The following KCNH1 variants were observed in gnomAD, a reference collection of about 807,000 sequenced individuals.
KCNH1 encodes potassium voltage-gated channel subfamily H member 1.
A neutral mutation model predicts 69.2 loss-of-function variants in KCNH1; 27 were observed. The observed-to-expected ratio is 0.39, with a 90% CI of 0.29 to 0.54. KCNH1 has a LOEUF of 0.54. Ranked by LOEUF, KCNH1 falls within the 20% of genes least tolerant of loss-of-function variation. The pLI, the probability that KCNH1 is intolerant of heterozygous loss-of-function variation, is 0.68. For missense variants in KCNH1, 798 were observed against 1,261.6 expected (o/e 0.63, Z 5.57); for synonymous variants, 456 against 487.7 (o/e 0.93, Z 0.86).
intron 5 of KCNH1, among the ~76,000 whole-genome samples, chr1:211,025,534 A>G (rs1188675089): frequency 6.6e-6 from 1 of 152,112 alleles, no homozygotes; most frequent in Non-Finnish European, 1.5e-5. Flanking sequence ...GCCTTTAAGA[A>G]TTGTTGGGAA....
intron 7 of KCNH1, among the ~76,000 whole-genome samples, chr1:210,874,080 T>C (rs190727289): frequency 2.0e-5 from 3 of 152,234 alleles, no homozygotes; most frequent in African/African-American, 7.2e-5. Context: ...GGTTGGAGAA[T>C]ATAAGCTTCT....
intron 3 of KCNH1, among the ~76,000 whole-genome samples, chr1:211,100,603 G>A (rs1382729913): frequency 6.6e-6 from 1 of 152,108 alleles, no homozygotes; most frequent in Non-Finnish European, 1.5e-5. Context: ...CACCCACCTC[G>A]GCCTCCCAAA....
intron 10 of KCNH1, among the ~76,000 whole-genome samples, chr1:210,695,105 A>G (rs1486140584): frequency 6.6e-6 from 1 of 152,158 alleles, no homozygotes; most frequent in Non-Finnish European, 1.5e-5. Flanking sequence ...GCTGACACTG[A>G]TTTATGGAGT....
intron 2 of KCNH1, among the ~76,000 whole-genome samples, chr1:211,106,349 C>T (rs1166447165): frequency 2.0e-5 from 3 of 152,224 alleles, no homozygotes; most frequent in Non-Finnish European, 4.4e-5. Flanking sequence ...GGCCCAAGGA[C>T]ACTGCTTGGT....
At chr1:210,934,445 G>C (rs1182982448) in intron 6 of KCNH1, among the ~76,000 whole-genome samples, 3 of 152,190 alleles carry the variant, frequency 2.0e-5, no homozygotes, top group Non-Finnish European at 2.9e-5. Flanking sequence ...ATGAGGTCAG[G>C]AGTTCCAGAC....
chr1:211,096,893 A>G (rs903744595), intron 3 of KCNH1, among the ~76,000 whole-genome samples: 5 of 152,254 alleles, frequency 3.3e-5, no homozygotes, highest in Non-Finnish European at 2.9e-5. Flanking sequence ...CAGGCCTCAA[A>G]AGAAAAACAA....
At chr1:211,092,481 T>G (rs1691070310) in intron 3 of KCNH1, among the ~76,000 whole-genome samples, 1 of 152,218 alleles carries the variant, frequency 6.6e-6, no homozygotes, top group African/African-American at 2.4e-5. Flanking sequence ...TTAACCTTCT[T>G]TCCATTCTCT....
chr1:210,958,515 G>A (rs962793815), intron 6 of KCNH1, among the ~76,000 whole-genome samples: 1 of 152,176 alleles, frequency 6.6e-6, no homozygotes. Flanking sequence ...TTCCAACCTG[G>A]TTCCATTCTC....
At chr1:210,707,066 T>C (rs548625972) in intron 10 of KCNH1, among the ~76,000 whole-genome samples, 87 of 151,128 alleles carry the variant, frequency 5.8e-4, no homozygotes, top group Non-Finnish European at 9.4e-4. Flanking sequence ...TGTGTGTGTG[T>C]GCGCGCGCAC....
At chr1:210,987,737 C>T (rs893410601) in intron 6 of KCNH1, among the ~76,000 whole-genome samples, 12 of 152,190 alleles carry the variant, frequency 7.9e-5, no homozygotes, top group Non-Finnish European at 1.8e-4. Flanking sequence ...GTCAGTGACC[C>T]GCTTGAGGAG....
rs1281466216 is a variant in KCNH1 at position 210,958,643 on chromosome 1, C to A, written c.1033-38574G>T. On this transcript the variant is annotated intron_variant, in intron 6 of 10. Transcript: ENST00000271751. ...TTTTTTCTCTAATCTTGTCTTCTTG[C>A]TTTACTTCATTAATTTGATCTTCAA... 2.0e-5 allele frequency among the ~76,000 whole-genome samples: 3 copies of A among 152,144 alleles called. No individual in the cohort carries two copies. The South Asian group carries it at 6.2e-4, about 32-fold the overall frequency.
intron 5 of KCNH1, among the ~76,000 whole-genome samples, chr1:211,059,296 G>T (rs1690378079): frequency 6.6e-6 from 1 of 150,846 alleles, no homozygotes; most frequent in Non-Finnish European, 1.5e-5. Flanking sequence ...AAAAAAAATA[G>T]AGAGAGAGAG....
intron 7 of KCNH1, among the ~76,000 whole-genome samples, chr1:210,839,357 G>A (rs1009844987): frequency 2.0e-5 from 3 of 152,108 alleles, no homozygotes; most frequent in African/African-American, 7.2e-5. Context: ...GGAGTGAAAT[G>A]ATGAGAACAC....
intron 4 of KCNH1, among the ~76,000 whole-genome samples, chr1:211,085,451 T>G (rs1168926794): frequency 6.8e-6 from 1 of 147,632 alleles, no homozygotes; most frequent in Non-Finnish European, 1.5e-5. Flanking sequence ...GCATTTTAAA[T>G]GAACAGAACA....
intron 7 of KCNH1, among the ~76,000 whole-genome samples, chr1:210,814,232 C>T (rs1017964305): frequency 1.3e-5 from 2 of 152,098 alleles, no homozygotes; most frequent in Admixed American, 6.6e-5. Context: ...ATACTGGCTC[C>T]ACTACCCACT....
At chr1:210,885,590 G>C (rs1175878536) in intron 7 of KCNH1, among the ~76,000 whole-genome samples, 7 of 152,058 alleles carry the variant, frequency 4.6e-5, no homozygotes, top group African/African-American at 1.7e-4. Context: ...GAGCCAAGTG[G>C]TCTAGTTCAG....
intron 6 of KCNH1, among the ~76,000 whole-genome samples, chr1:210,930,699 C>T (rs765084644): frequency 6.6e-6 from 1 of 152,106 alleles, no homozygotes; most frequent in Admixed American, 6.5e-5. Context: ...CTTAATTAAA[C>T]TAAAAAGCTT....
chr1:211,018,683 C>T, intron 6 of KCNH1, 100 bp downstream of exon 6: 1 of 931,652 alleles, frequency 1.1e-6, no homozygotes, highest in South Asian at 1.6e-5. Flanking sequence ...GGACATCAGT[C>T]ATGCTATTTC....
At chr1:210,710,347 A>G (rs962996875) in intron 10 of KCNH1, among the ~76,000 whole-genome samples, 2 of 151,852 alleles carry the variant, frequency 1.3e-5, no homozygotes, top group Non-Finnish European at 2.9e-5. Context: ...GTACACTACT[A>G]TAGACTATAA....
Sources: allele counts gnomAD v4.1 joint callset (sites outside exome capture counted in the v4.1 genomes callset), GRCh38; gene constraint gnomAD v4.1.1; transcripts MANE v1.5; gene names NCBI Gene and HGNC (gene_info 2026-07-23, HGNC 2026-07-21).